ASAP1: variants seen among roughly 807,000 people sequenced by gnomAD.
ASAP1 encodes arf-GAP with SH3 domain, ANK repeat and PH domain-containing protein 1.
In ASAP1, 43 loss-of-function variants were observed where a neutral mutation model predicts 145.2. The observed-to-expected ratio is 0.30, with a 90% CI of 0.23 to 0.38. ASAP1 has a LOEUF of 0.38. Ranked by LOEUF, ASAP1 falls within the 10% of genes least tolerant of loss-of-function variation. The pLI is 1.00. For missense variants in ASAP1, 1,018 were observed against 1,355.3 expected (o/e 0.75, Z 3.91); for synonymous variants, 546 against 515.5 (o/e 1.06, Z -0.80).
intron 5 of ASAP1, among the ~76,000 whole-genome samples, chr8:130,197,939 T>C (rs1464523465): frequency 6.6e-6 from 1 of 152,010 alleles, no homozygotes; most frequent in Non-Finnish European, 1.5e-5. Context: ...TGGGTGAAGT[T>C]TTCTTGTTCA....
intron 1 of ASAP1, among the ~76,000 whole-genome samples, chr8:130,418,530 C>T (rs1829581778): frequency 6.8e-6 from 1 of 147,912 alleles, no homozygotes; most frequent in Non-Finnish European, 1.5e-5. Context: ...CCTGGGTGAC[C>T]TCTGTCTCAA....
At chr8:130,263,128 G>A (rs992019459) in intron 3 of ASAP1, among the ~76,000 whole-genome samples, 2 of 152,188 alleles carry the variant, frequency 1.3e-5, no homozygotes, top group Admixed American at 1.3e-4. Flanking sequence ...CTGATTACGT[G>A]TGTTGATCAC....
chr8:130,078,015 G>A (rs1218426107), intron 26 of ASAP1, among the ~76,000 whole-genome samples: 1 of 144,586 alleles, frequency 6.9e-6, no homozygotes, highest in African/African-American at 2.6e-5. Flanking sequence ...TTTTTGAGAC[G>A]AAGTCTCGCT....
chr8:130,246,322 T>C (rs538130717), intron 3 of ASAP1, among the ~76,000 whole-genome samples: 97 of 152,262 alleles, frequency 6.4e-4, no homozygotes, highest in Middle Eastern at 6.8e-3. Context: ...CAGCAATGTG[T>C]ACAGAGAAAG....
intron 28 of ASAP1, among the ~76,000 whole-genome samples, chr8:130,059,029 T>C (rs951855971): frequency 3.9e-5 from 6 of 152,206 alleles, no homozygotes; most frequent in South Asian, 2.1e-4. Context: ...TCAGTGGTGC[T>C]TGGGAGTCAT....
chr8:130,140,859 C>A (rs1269513633), intron 13 of ASAP1, among the ~76,000 whole-genome samples: 2 of 152,234 alleles, frequency 1.3e-5, no homozygotes, highest in East Asian at 3.8e-4. Flanking sequence ...TTACCCAGGG[C>A]TGAGCCCACG....
intron 5 of ASAP1, among the ~76,000 whole-genome samples, chr8:130,213,368 G>C (rs1022889679): frequency 4.6e-5 from 7 of 152,206 alleles, no homozygotes; most frequent in African/African-American, 1.7e-4. Context: ...TTGTGACAGA[G>C]AAAAAGAATA....
At chr8:130,181,577 A>G (rs1370823095) in intron 7 of ASAP1, among the ~76,000 whole-genome samples, 1 of 152,224 alleles carries the variant, frequency 6.6e-6, no homozygotes, top group Non-Finnish European at 1.5e-5. Flanking sequence ...CCAAGAATAC[A>G]TTTTAATCAG....
intron 9 of ASAP1, 125 bp from the exon 10 acceptor site, chr8:130,169,192 A>G: frequency 1.9e-6 from 1 of 531,570 alleles, no homozygotes; most frequent in East Asian, 3.0e-5. Context: ...TTATCTGTAT[A>G]TATATACTCA....
chr8:130,399,480 G>C (rs2138551063), intron 2 of ASAP1, among the ~76,000 whole-genome samples: 1 of 152,064 alleles, frequency 6.6e-6, no homozygotes, highest in South Asian at 2.1e-4. Flanking sequence ...CATGACTTTG[G>C]GTAATCCTAT....
chr8:130,096,556 A>T (rs889655258), intron 24 of ASAP1, among the ~76,000 whole-genome samples: 2 of 152,218 alleles, frequency 1.3e-5, no homozygotes, highest in Non-Finnish European at 2.9e-5. Flanking sequence ...CTTCTTAAAA[A>T]CATGGGTCTA....
intron 4 of ASAP1, among the ~76,000 whole-genome samples, chr8:130,226,675 A>T (rs2136555718): frequency 6.6e-6 from 1 of 152,308 alleles, no homozygotes; most frequent in East Asian, 1.9e-4. Flanking sequence ...TGCAGCACTG[A>T]CAAATCCATT....
At chr8:130,059,975 G>A (rs2097414404) in intron 28 of ASAP1, among the ~76,000 whole-genome samples, 1 of 151,560 alleles carries the variant, frequency 6.6e-6, no homozygotes, top group East Asian at 2.0e-4. Context: ...CTACTCAGGA[G>A]GCTGAGGTAA....
chr8:130,110,434 G>T (rs1461506426), intron 24 of ASAP1, among the ~76,000 whole-genome samples: 2 of 152,204 alleles, frequency 1.3e-5, no homozygotes, highest in African/African-American at 4.8e-5. Context: ...CCTCTGTAGG[G>T]TGCAGAAAGA....
intron 3 of ASAP1, among the ~76,000 whole-genome samples, chr8:130,348,997 A>G (rs144645491): frequency 7.0e-4 from 107 of 152,320 alleles, no homozygotes; most frequent in African/African-American, 2.3e-3. Context: ...GGTGTAGAAG[A>G]AGGCAGAAAG....
At chr8:130,255,216 G>A (rs1388001218) in intron 3 of ASAP1, among the ~76,000 whole-genome samples, 1 of 152,050 alleles carries the variant, frequency 6.6e-6, no homozygotes, top group Non-Finnish European at 1.5e-5. Context: ...TAGGACACCT[G>A]GTACTGGCAA....
chr8:130,184,313 C>T (rs1210330149), intron 7 of ASAP1, among the ~76,000 whole-genome samples: 1 of 152,142 alleles, frequency 6.6e-6, no homozygotes, highest in Non-Finnish European at 1.5e-5. Flanking sequence ...TCTACCACAG[C>T]AATACATCAC....
chr8:130,424,799 T>C (rs1262030501), intron 1 of ASAP1, among the ~76,000 whole-genome samples: 3 of 151,978 alleles, frequency 2.0e-5, no homozygotes, highest in African/African-American at 7.2e-5. Flanking sequence ...CAAGACCATC[T>C]TGGCTAACAC....
intron 3 of ASAP1, among the ~76,000 whole-genome samples, chr8:130,265,408 T>C (rs749438662): frequency 6.6e-6 from 1 of 151,640 alleles, no homozygotes; most frequent in Non-Finnish European, 1.5e-5. Context: ...TCATCTCAAC[T>C]AAAATTTTTA....
Sources: allele counts gnomAD v4.1 joint callset (sites outside exome capture counted in the v4.1 genomes callset), GRCh38; gene constraint gnomAD v4.1.1; transcripts MANE v1.5; gene names NCBI Gene and HGNC (gene_info 2026-07-23, HGNC 2026-07-21).